NUDT13: variants seen among roughly 807,000 people sequenced by gnomAD.
NUDT13 encodes the protein NAD(P)H pyrophosphatase NUDT13, mitochondrial.
A neutral mutation model predicts 41.7 loss-of-function variants in NUDT13; 40 were observed. The ratio of observed to expected loss-of-function variants is 0.96; its 90% CI spans 0.75 to 1.25. The LOEUF is 1.25. Among genes scored for constraint, NUDT13 ranks in the 50% most tolerant of loss-of-function variants. The probability of loss-of-function intolerance (pLI) is 0.00; values close to 1 mark genes in which losing one functional copy is unlikely to be tolerated. For missense variants in NUDT13, 390 were observed against 416.1 expected, an observed-to-expected ratio of 0.94 and a Z score of 0.55; for synonymous variants, 145 against 155.5, an observed-to-expected ratio of 0.93 and a Z score of 0.50.
chr10:73,119,993 TG>T (rs1219495413), intron 2 of NUDT13, 24 bp from the exon 3 acceptor site: 8 of 1,613,126 alleles, frequency 5.0e-6, no homozygotes, highest in African/African-American at 1.3e-5. Context: ...GGTTTTGTAA[TG>T]GTTTGATTAT....
intron 2 of NUDT13, 26 bp downstream of exon 2, chr10:73,114,474 G>A: frequency 1.5e-6 from 2 of 1,335,762 alleles, no homozygotes; most frequent in South Asian, 1.4e-5. Context: ...CCTGAGCTTT[G>A]ATTATTCTGT....
intron 7 of NUDT13, 162 bp from the exon 8 acceptor site, chr10:73,126,511 T>G: frequency 1.4e-6 from 1 of 708,944 alleles, no homozygotes; most frequent in Non-Finnish European, 2.2e-6. Flanking sequence ...CACACAGCTC[T>G]GGACCTGATT....
chr10:73,110,826 T>C (rs1429980219), intron 1 of NUDT13, among the ~76,000 whole-genome samples: 1 of 152,158 alleles, frequency 6.6e-6, no homozygotes, highest in Non-Finnish European at 1.5e-5. Flanking sequence ...ACCTCTCACA[T>C]TGTGCCTTAA....
rs745762207 is a variant in NUDT13, at chr10:73,125,524, G to A, written c.703+15G>A. On this transcript the variant is annotated intron_variant, in intron 7 of 8. Coordinates refer to ENST00000357321, the MANE Select transcript of NUDT13 (RefSeq NM_015901.6). ...TTGTGATATAGGTGAGGAGTTTAGG[G>A]GATATACAGGTGACACTGGAAGATA... is the stretch of plus-strand genomic sequence containing the variant. 1.3e-6 allele frequency: 2 copies of A among 1,485,392 alleles called. No individual in the cohort carries two copies. The highest frequency in any genetic ancestry group is 1.8e-6 in the Non-Finnish European group (2 of 1,081,660). 92.0% of individuals were successfully genotyped at this position (1,485,392 alleles called of 1,614,324 possible).
rs1842861806 is a variant in NUDT13 at position 73,129,289 on chromosome 10, C to G, written c.859-1414C>G. On this transcript the variant is annotated intron_variant, in intron 8 of 8. Coordinates refer to ENST00000357321, the MANE Select transcript of NUDT13 (RefSeq NM_015901.6). Reference sequence around the variant, plus strand: ...CCAGGTTCAAGCAATTCTCCTGCCTCAGCCTCCCGAGTGGCTGGGATTACA... The same window carrying G: ...CCAGGTTCAAGCAATTCTCCTGCCTGAGCCTCCCGAGTGGCTGGGATTACA... Among the ~76,000 whole-genome samples the G allele has an allele frequency of 2.6e-5, 4 of 151,362 alleles. No individual in the cohort carries two copies. In the South Asian group the frequency reaches 8.4e-4, roughly 32 times the overall value.
chr10:73,130,792 T>TTTC lies in NUDT13; in HGVS notation c.948_949insTTC (p.Thr316_Gln317insPhe). ...CCCTGAAGAGAAAGGGCCCCTATAC[T>TTTC]CAGCAACAGAATGGGACTTTCCCAT... On this transcript the variant is annotated inframe_insertion, in exon 9 of 9. Coordinates refer to ENST00000357321, the MANE Select transcript of NUDT13 (RefSeq NM_015901.6). 1 of 1,613,762 alleles carries TTTC rather than the reference T, an allele frequency of 6.2e-7. No homozygotes were observed. Among genetic ancestry groups the TTTC allele is most frequent in the Non-Finnish European group, 8.5e-7 (1 of 1,179,934 alleles).
Position 73,130,278 on chromosome 10 carries a change from C to T in NUDT13, c.859-425C>T, listed in dbSNP as rs186185978. ...GAGATCGAGACCATCCTGGCTGACACGGTGAAACCCTGTCTCTACTAAAAA... is the reference window on the plus strand; with the variant it reads ...GAGATCGAGACCATCCTGGCTGACATGGTGAAACCCTGTCTCTACTAAAAA... On this transcript the variant is annotated intron_variant, in intron 8 of 8. Coordinates refer to ENST00000357321, the MANE Select transcript of NUDT13 (RefSeq NM_015901.6). 1.4e-3 allele frequency: 210 copies of T among 151,692 alleles called. 1 individual carries two copies. The highest frequency in any genetic ancestry group is 2.3e-3 in the Non-Finnish European group (154 of 68,076). The allele number at this position is 151,692 out of a possible 1,614,324, so 9.4% of individuals were successfully genotyped here.
chr10:73,127,053 G>A (rs1326288707), intron 8 of NUDT13, among the ~76,000 whole-genome samples: 1 of 151,862 alleles, frequency 6.6e-6, no homozygotes, highest in Non-Finnish European at 1.5e-5. Context: ...AGACCAGCCT[G>A]GCCAACATGG....
At chr10:73,129,470 G>A (rs1297199261) in intron 8 of NUDT13, among the ~76,000 whole-genome samples, 2 of 151,682 alleles carry the variant, frequency 1.3e-5, no homozygotes, top group South Asian at 2.1e-4. Context: ...CACCATGCCC[G>A]GCTAGACATT....
chr10:73,125,478 G>A lies in NUDT13; in HGVS notation c.672G>A (p.Met224Ile). Residue 224 changes from methionine to isoleucine, a missense_variant, in exon 7 of 9, where the codon ATG (methionine) becomes ATA (isoleucine). Coordinates refer to ENST00000357321, the MANE Select transcript of NUDT13 (RefSeq NM_015901.6). ...LARQSSFPKG[M>I]YSALAGFCDI... ...GCCAAAGCTCCTTTCCCAAGGGAAT[G>A]TATTCTGCCTTGGCAGGTTTTTGTG... 2 of 1,609,138 alleles carry A rather than the reference G, an allele frequency of 1.2e-6. No homozygotes were observed. Among genetic ancestry groups the A allele is most frequent in the South Asian group, 1.1e-5 (1 of 90,078 alleles).
chr10:73,119,450 G>A, intron 2 of NUDT13: 3 of 980,250 alleles, frequency 3.1e-6, no homozygotes, highest in Non-Finnish European at 3.6e-6. Context: ...ATCTTCCCTA[G>A]ATTGAATGAG....
rs1842792967 is a variant in NUDT13 at position 73,126,737 on chromosome 10, C to T, written c.768C>T (p.Ser256=). Residue 256 remains serine (S), a synonymous_variant, in exon 8 of 9, where the codon AGC becomes AGT. Coordinates refer to ENST00000357321, the MANE Select transcript of NUDT13 (RefSeq NM_015901.6). ...VAEEVGLEVE[S]LQYYASQHWP... is the part of the protein sequence containing the mutation. ...AAGAGGTGGGATTGGAGGTGGAAAG[C>T]CTGCAGTACTATGCATCCCAGCATT... The T allele has an allele frequency of 6.2e-7, 1 of 1,614,124 alleles. No homozygotes were observed. The highest frequency in any genetic ancestry group is 8.5e-7 in the Non-Finnish European group (1 of 1,180,016).
Position 73,130,812 on chromosome 10 carries a change from T to G in NUDT13, c.968T>G (p.Phe323Cys), listed in dbSNP as rs766688649. 3.7e-6 allele frequency: 6 copies of G among 1,612,880 alleles called. No individual in the cohort carries two copies. Among genetic ancestry groups the G allele is most frequent in the Non-Finnish European group, 5.1e-6 (6 of 1,179,960 alleles). Residue 323 changes from phenylalanine to cysteine, a missense_variant, in exon 9 of 9, where the codon TTC (phenylalanine) becomes TGC (cysteine). Physicochemically the swap from Phe to Cys is radical, Grantham distance 205 (BLOSUM62 -2). Transcript: ENST00000357321. ...TATACTCAGCAACAGAATGGGACTT[T>G]CCCATTCTGGCTGCCCCCTAAGTTA... is the stretch of plus-strand genomic sequence containing the variant. ...GPYTQQQNGT[F>C]PFWLPPKLAI...
intron 2 of NUDT13, chr10:73,119,340 G>A (rs1348571742): frequency 6.7e-5 from 14 of 208,710 alleles, no homozygotes; most frequent in Admixed American, 5.9e-4. Context: ...TACCACGCCC[G>A]GCCAGGTGCT....
chr10:73,123,012 TGC>T (rs1842684717), intron 4 of NUDT13, among the ~76,000 whole-genome samples: 1 of 151,734 alleles, frequency 6.6e-6, no homozygotes, highest in Admixed American at 6.6e-5. Flanking sequence ...GCGATTCTCC[TGC>T]CTCAGCCTCC....
chr10:73,125,603 C>T lies in NUDT13; in HGVS notation c.703+94C>T, dbSNP rs1341901737. 4.6e-6 allele frequency: 3 copies of T among 650,778 alleles called. No individual in the cohort carries two copies. In the African/African-American group the frequency reaches 5.7e-5, roughly 12 times the overall value. 40.3% of individuals were successfully genotyped at this position (650,778 alleles called of 1,614,324 possible). On this transcript the variant is annotated intron_variant, in intron 7 of 8. Transcript: ENST00000357321. ...TCTTGTTGCTATAGAGCTTGAATTCCCAAGCACATTCTTTTCTATCATGTC... is the reference window on the plus strand; with the variant it reads ...TCTTGTTGCTATAGAGCTTGAATTCTCAAGCACATTCTTTTCTATCATGTC...
chr10:73,120,045 T>G lies in NUDT13; in HGVS notation c.111T>G (p.Asp37Glu). 2.5e-6 allele frequency: 4 copies of G among 1,614,182 alleles called. No individual in the cohort carries two copies. Among genetic ancestry groups the G allele is most frequent in the Non-Finnish European group, 3.4e-6 (4 of 1,180,020 alleles). The change falls in exon 3 of 9, where the codon GAT (aspartate) becomes GAG (glutamate). Residue 37 changes from aspartate to glutamate, a missense_variant. By Grantham distance (45) the Asp-to-Glu change is conservative. Transcript: ENST00000357321. ...ATTTATTTGAACTGAAGGAAGATGA[T>G]GATGCATGTAAAAAAGCCCAGCAAA... Reference protein sequence around the residue: ...TRYLFELKEDDDACKKAQQTG... With the variant: ...TRYLFELKEDEDACKKAQQTG...
chr10:73,126,581 T>C, intron 7 of NUDT13, 92 bp from the exon 8 acceptor site: 1 of 1,389,774 alleles, frequency 7.2e-7, no homozygotes, highest in Non-Finnish European at 9.8e-7. Flanking sequence ...ATTGAAACTT[T>C]GGAGCCAGTG....
chr10:73,128,926 A>G (rs1264789344), intron 8 of NUDT13, among the ~76,000 whole-genome samples: 1 of 152,164 alleles, frequency 6.6e-6, no homozygotes, highest in African/African-American at 2.4e-5. Flanking sequence ...ATGATGTAAG[A>G]TAACGGTCCG....
Sources: allele counts gnomAD v4.1 joint callset (sites outside exome capture counted in the v4.1 genomes callset), GRCh38; gene constraint gnomAD v4.1.1; transcripts MANE v1.5; gene names NCBI Gene and HGNC (gene_info 2026-07-23, HGNC 2026-07-21).